RAB38: variants seen among roughly 807,000 people sequenced by gnomAD.
The protein encoded by RAB38 is ras-related protein Rab-38.
RAB38 carries 15 observed loss-of-function variants against 18.4 expected under a neutral mutation model. The observed-to-expected ratio is 0.82, with a 90% CI of 0.55 to 1.26. The LOEUF (loss-of-function observed/expected upper bound fraction) is 1.26. Among genes scored for constraint, RAB38 ranks in the 50% most tolerant of loss-of-function variants. The pLI is 0.00. For synonymous variants in RAB38, 101 were observed against 104.4 expected (o/e 0.97, Z 0.20); for missense variants, 294 against 267.4 (o/e 1.10, Z -0.69).
the RAB38 span, among the ~76,000 whole-genome samples, chr11:87,876,733 G>C: frequency 1.3e-5 from 2 of 151,472 alleles, no homozygotes; most frequent in African/African-American, 4.8e-5. Context: ...ATTCTAGTGA[G>C]GCCTGTATGA....
At chr11:87,829,726 CA>C in the RAB38 span, among the ~76,000 whole-genome samples, 2 of 152,186 alleles carry the variant, frequency 1.3e-5, no homozygotes, top group South Asian at 4.1e-4. Flanking sequence ...TTTTAAAAAA[CA>C]AATAAATTTA....
the RAB38 span, among the ~76,000 whole-genome samples, chr11:87,846,342 A>G: frequency 6.6e-6 from 1 of 152,120 alleles, no homozygotes; most frequent in African/African-American, 2.4e-5. Flanking sequence ...ATATGCTGCT[A>G]CAAGAGCTAA....
At chr11:87,849,586 G>T in the RAB38 span, among the ~76,000 whole-genome samples, 1 of 152,054 alleles carries the variant, frequency 6.6e-6, no homozygotes, top group Non-Finnish European at 1.5e-5. Context: ...AATAATACAG[G>T]TTTTGATGTT....
In RAB38 at chr11:88,124,509, A is replaced by G. The variant is rs141425222; in HGVS notation, c.484-10369T>C. On this transcript the variant is annotated intron_variant, in intron 2 of 2. Transcript: ENST00000243662. ...AAAAGAAGACATTTATGCAGCCAAA[A>G]GACACATGAAAAAATGCTCATCATC... Among the ~76,000 whole-genome samples, 413 of 152,324 alleles carry G rather than the reference A, an allele frequency of 2.7e-3. 2 individuals are homozygous for G. Among genetic ancestry groups the G allele is most frequent in the African/African-American group, 8.9e-3 (372 of 41,576 alleles).
the RAB38 span, among the ~76,000 whole-genome samples, chr11:87,862,537 T>A: frequency 6.6e-6 from 1 of 151,596 alleles, no homozygotes; most frequent in African/African-American, 2.4e-5. Context: ...AGGGAGAGGA[T>A]CAGGAAAAAC....
At chr11:87,864,330 T>C in the RAB38 span, among the ~76,000 whole-genome samples, 3,146 of 149,962 alleles carry the variant, frequency 0.021, 69 homozygotes, top group African/African-American at 0.048. Flanking sequence ...TTTATATTAA[T>C]ATGTTATATA....
chr11:87,883,351 A>C, the RAB38 span, among the ~76,000 whole-genome samples: 2 of 151,922 alleles, frequency 1.3e-5, no homozygotes, highest in African/African-American at 4.8e-5. Context: ...ATAGGACTTC[A>C]GTTCAAACCT....
chr11:87,808,824 A>G, the RAB38 span, among the ~76,000 whole-genome samples: 1 of 152,188 alleles, frequency 6.6e-6, no homozygotes, highest in Admixed American at 6.5e-5. Context: ...ATAAAATACA[A>G]AAATACATAT....
the RAB38 span, among the ~76,000 whole-genome samples, chr11:88,013,682 G>C: frequency 1.3e-5 from 2 of 152,062 alleles, no homozygotes; most frequent in African/African-American, 4.8e-5. Flanking sequence ...GACCGAGATG[G>C]ATAAAAAGAA....
the RAB38 span, among the ~76,000 whole-genome samples, chr11:87,945,039 A>C: frequency 1.8e-3 from 278 of 152,268 alleles, 1 homozygote; most frequent in African/African-American, 6.4e-3. Context: ...AGACAAATGT[A>C]AGAGAGTTAC....
the RAB38 span, among the ~76,000 whole-genome samples, chr11:87,955,228 TCTC>T: frequency 1.3e-5 from 2 of 152,204 alleles, no homozygotes; most frequent in Non-Finnish European, 2.9e-5. Context: ...TTCTTGCTCT[TCTC>T]TTATTCTTTA....
chr11:87,867,691 A>G, the RAB38 span, among the ~76,000 whole-genome samples: 3 of 151,710 alleles, frequency 2.0e-5, no homozygotes, highest in African/African-American at 7.2e-5. Context: ...GCATTTTATG[A>G]CTATGAACAC....
chr11:87,934,923 T>A, the RAB38 span, among the ~76,000 whole-genome samples: 2 of 151,828 alleles, frequency 1.3e-5, no homozygotes, highest in Admixed American at 6.6e-5. Flanking sequence ...AGAGAAGAGT[T>A]TGGAGATATT....
At chr11:88,116,561 G>A (rs573720048) in intron 2 of RAB38, among the ~76,000 whole-genome samples, 11 of 152,160 alleles carry the variant, frequency 7.2e-5, no homozygotes, top group Admixed American at 2.0e-4. Flanking sequence ...GCTTACACTG[G>A]GTCTTTCTGA....
intron 2 of RAB38, among the ~76,000 whole-genome samples, chr11:88,125,775 C>A (rs1942687882): frequency 6.6e-6 from 1 of 152,204 alleles, no homozygotes; most frequent in Admixed American, 6.5e-5. Context: ...GTGTTTTAGA[C>A]ATGAAGTCCT....
chr11:88,173,616 A>G, intron 1 of RAB38: 1 of 985,442 alleles, frequency 1.0e-6, no homozygotes, highest in Non-Finnish European at 1.2e-6. Flanking sequence ...ATCCCCGTTT[A>G]AACAGTAAGC....
At chr11:88,010,806 G>C in the RAB38 span, among the ~76,000 whole-genome samples, 4 of 152,164 alleles carry the variant, frequency 2.6e-5, no homozygotes, top group Non-Finnish European at 5.9e-5. Flanking sequence ...TTTAAGGCCA[G>C]GTATTCATAA....
chr11:87,968,430 A>G, the RAB38 span, among the ~76,000 whole-genome samples: 26 of 152,310 alleles, frequency 1.7e-4, no homozygotes, highest in African/African-American at 6.3e-4. Context: ...ATTGTGGTCA[A>G]AGAGAAGTGA....
chr11:87,849,051 T>G, the RAB38 span, among the ~76,000 whole-genome samples: 1 of 152,106 alleles, frequency 6.6e-6, no homozygotes, highest in South Asian at 2.1e-4. Context: ...TCACAGGACT[T>G]ACTTCAGTTG....
Sources: gnomAD v4.1 joint callset for allele counts (sites outside exome capture counted in the v4.1 genomes callset) on GRCh38, gnomAD v4.1.1 for gene constraint, MANE v1.5 for transcripts, NCBI Gene and HGNC (gene_info 2026-07-23, HGNC 2026-07-21) for gene names.